Variants in ETV6 observed in about 807,000 individuals in gnomAD.
ETV6 encodes transcription factor ETV6.
A neutral mutation model predicts 51.1 loss-of-function variants in ETV6; 16 were observed. The observed-to-expected ratio is 0.31, with a 90% CI of 0.21 to 0.48. The LOEUF is 0.48. ETV6 is among the 20% of genes least tolerant of loss of function. ETV6 has a pLI of 0.99. For synonymous variants in ETV6, 240 were observed against 224.1 expected (o/e 1.07, Z -0.64); for missense variants, 458 against 594.8 (o/e 0.77, Z 2.39).
chr12:11,841,612 A>G (rs1011548825), intron 3 of ETV6, among the ~76,000 whole-genome samples: 5 of 152,234 alleles, frequency 3.3e-5, no homozygotes, highest in Non-Finnish European at 7.3e-5. Context: ...AATTCATTCC[A>G]TGAGTATTCA....
chr12:11,885,819 C>T (rs1472277512), intron 6 of ETV6, 107 bp from the exon 7 acceptor site: 3 of 754,150 alleles, frequency 4.0e-6, no homozygotes, highest in Non-Finnish European at 6.6e-6. Context: ...GGGCCACAGG[C>T]AGCAGCTGAA....
intron 7 of ETV6, among the ~76,000 whole-genome samples, chr12:11,888,398 CTT>C (rs1555148147): frequency 3.7e-5 from 3 of 80,684 alleles, no homozygotes; most frequent in Non-Finnish European, 5.0e-5. Context: ...CTTTTCTTTT[CTT>C]TTTTTTTTTT....
chr12:11,882,591 T>C (rs983577760), intron 5 of ETV6, among the ~76,000 whole-genome samples: 1 of 152,232 alleles, frequency 6.6e-6, no homozygotes, highest in East Asian at 1.9e-4. Context: ...CACAGCACAG[T>C]ACCTACAAAT....
At chr12:11,665,982 T>C (rs1864186463) in intron 1 of ETV6, among the ~76,000 whole-genome samples, 2 of 152,162 alleles carry the variant, frequency 1.3e-5, no homozygotes, top group South Asian at 4.1e-4. Context: ...TATTAACTGA[T>C]CATCCTTTTT....
At chr12:11,724,031 C>T (rs183462869) in intron 1 of ETV6, among the ~76,000 whole-genome samples, 49 of 152,108 alleles carry the variant, frequency 3.2e-4, no homozygotes, top group Middle Eastern at 3.2e-3. Context: ...CTCCCTCCCC[C>T]ACCCCTGACC....
chr12:11,668,671 T>C (rs1864244764), intron 1 of ETV6, among the ~76,000 whole-genome samples: 1 of 152,226 alleles, frequency 6.6e-6, no homozygotes, highest in Admixed American at 6.5e-5. Context: ...GGATGAAAGT[T>C]GCAAGGACAC....
intron 3 of ETV6, chr12:11,840,476 TA>T (rs1169836378): frequency 1.5e-5 from 7 of 455,980 alleles, no homozygotes; most frequent in Non-Finnish European, 3.1e-5. Context: ...GACTCTGATG[TA>T]ACTTGACAAA....
At chr12:11,653,409 C>T (rs1259904423) in intron 1 of ETV6, among the ~76,000 whole-genome samples, 2 of 152,152 alleles carry the variant, frequency 1.3e-5, no homozygotes, top group Non-Finnish European at 2.9e-5. Flanking sequence ...TGTCTCTAGT[C>T]CCCTCCTTCC....
At chr12:11,681,150 T>C (rs1482796006) in intron 1 of ETV6, among the ~76,000 whole-genome samples, 2 of 152,232 alleles carry the variant, frequency 1.3e-5, no homozygotes, top group Admixed American at 1.3e-4. Flanking sequence ...TCATTTATCA[T>C]GCTGAGGCAG....
chr12:11,683,225 G>A (rs1404485043), intron 1 of ETV6, among the ~76,000 whole-genome samples: 2 of 152,146 alleles, frequency 1.3e-5, no homozygotes, highest in Admixed American at 6.5e-5. Context: ...TGTATTTTTA[G>A]TAGAGACGGG....
rs926088426 is a variant in ETV6 at position 11,814,649 on chromosome 12, G to C, written c.164-24491G>C. Among the ~76,000 whole-genome samples the C allele has an allele frequency of 2.6e-5, 4 of 152,276 alleles. No homozygotes were observed. The East Asian group carries it at 7.7e-4, about 29-fold the overall frequency. On this transcript the variant is annotated intron_variant, in intron 2 of 7. Transcript: ENST00000396373. ...TCAGATCGATGGCTCTCCTTGTCAA[G>C]CTCTGCAGCCCTCTCTCAGGCTTTG...
chr12:11,752,526 T>G lies in ETV6; in HGVS notation c.110T>G (p.Val37Gly). ...YASSTPLHVP[V>G]PRALRMEEDS... ...TCCTCGACGCCACTTCATGTTCCAG[T>G]GCCTCGAGCGCTCAGGATGGAGGAA... The change falls in exon 2 of 8, where the codon GTG (valine) becomes GGG (glycine). Residue 37 changes from valine (V) to glycine (G), a missense_variant. By Grantham distance (109) the Val-to-Gly change is moderately radical. Transcript: ENST00000396373. The G allele has an allele frequency of 6.2e-7, 1 of 1,614,032 alleles. No individual in the cohort carries two copies.
intron 5 of ETV6, among the ~76,000 whole-genome samples, chr12:11,874,887 G>C (rs1376605363): frequency 7.5e-6 from 1 of 133,414 alleles, no homozygotes; most frequent in African/African-American, 2.8e-5. Flanking sequence ...CACACACCGG[G>C]TCCTGTTATG....
intron 1 of ETV6, among the ~76,000 whole-genome samples, chr12:11,689,545 C>G (rs946298926): frequency 6.6e-6 from 1 of 152,108 alleles, no homozygotes; most frequent in Non-Finnish European, 1.5e-5. Flanking sequence ...CACAGTTAGG[C>G]TAACAGGCAA....
chr12:11,844,856 G>A (rs1010499953), intron 3 of ETV6, among the ~76,000 whole-genome samples: 13 of 150,646 alleles, frequency 8.6e-5, no homozygotes, highest in African/African-American at 3.2e-4. Context: ...TTTTTTAGAT[G>A]GATTCTCGCT....
chr12:11,808,032 C>A (rs1460497177), intron 2 of ETV6, among the ~76,000 whole-genome samples: 1 of 152,138 alleles, frequency 6.6e-6, no homozygotes, highest in African/African-American at 2.4e-5. Flanking sequence ...TCAATGAAAT[C>A]ATAAAAAAGA....
rs35812814 is a variant in ETV6, at chr12:11,892,210, ATTTTTTTTTT to A, written c.*1178_*1187del. On this transcript the variant is annotated 3_prime_UTR_variant, in exon 8 of 8. Transcript: ENST00000396373. ...GTGGTCAGTTTCATGCCCTCACCTG[ATTTTTTTTTT>A]TTTTTTTTTTTTTCAATTCCTAACC... 2.0e-5 allele frequency: 3 copies of A among 153,578 alleles called. No individual in the cohort carries two copies. The highest frequency in any genetic ancestry group is 1.1e-4 in the Admixed American group (1 of 9,314). The allele number at this position is 153,578 out of a possible 1,614,324, so 9.5% of individuals were successfully genotyped here. A position where few individuals can be genotyped will look rare whatever the true frequency, so the allele number is the denominator to read the frequency against.
At chr12:11,655,609 T>C (rs751061315) in intron 1 of ETV6, among the ~76,000 whole-genome samples, 84 of 152,248 alleles carry the variant, frequency 5.5e-4, no homozygotes, top group Admixed American at 1.4e-3. Context: ...ACATTATCCA[T>C]TGGGTAGAAA....
intron 4 of ETV6, among the ~76,000 whole-genome samples, chr12:11,865,866 A>G (rs928133132): frequency 9.9e-5 from 15 of 151,740 alleles, no homozygotes; most frequent in Non-Finnish European, 5.9e-5. Context: ...TTTATTTTAC[A>G]TATCTTACTT....
Sources: allele counts gnomAD v4.1 joint callset (sites outside exome capture counted in the v4.1 genomes callset), GRCh38; gene constraint gnomAD v4.1.1; transcripts MANE v1.5; gene names NCBI Gene and HGNC (gene_info 2026-07-23, HGNC 2026-07-21).